The following APBB3 variants were observed in gnomAD, a reference collection of about 807,000 sequenced individuals.
APBB3 encodes the protein amyloid-beta A4 precursor protein-binding family B member 3.
APBB3 carries 50 observed loss-of-function variants against 61.5 expected under a neutral mutation model. That is an observed-to-expected ratio of 0.81 (90% CI 0.65 to 1.03). The LOEUF (loss-of-function observed/expected upper bound fraction) is 1.03. Ranked by LOEUF, APBB3 falls within the 50% of genes least tolerant of loss-of-function variation. The probability of loss-of-function intolerance (pLI) is 0.00; values close to 1 mark genes in which losing one functional copy is unlikely to be tolerated. For missense variants in APBB3, 550 were observed against 637.4 expected (o/e 0.86, Z 1.48); for synonymous variants, 235 against 233.0 (o/e 1.01, Z -0.08).
rs772821532 is a variant in APBB3, at chr5:140,561,302, G to A, written c.832+63C>T. ...CAGAAGTATTAAATAACCAGAAATC[G>A]CCCCCCCACAAAGCAGCACCAAAGC... On this transcript the variant is annotated intron_variant, in intron 9 of 12. Transcript: ENST00000357560. The A allele has an allele frequency of 4.0e-5, 63 of 1,568,966 alleles. 1 individual carries two copies. The highest frequency in any genetic ancestry group is 2.3e-4 in the South Asian group (21 of 90,110).
chr5:140,562,639 A>T, intron 4 of APBB3, 24 bp downstream of exon 4: 1 of 1,613,946 alleles, frequency 6.2e-7, no homozygotes, highest in Admixed American at 1.7e-5. Flanking sequence ...GGACCTCCCA[A>T]TGCCCTCAGG....
chr5:140,562,238 C>T lies in APBB3; in HGVS notation c.499-11G>A, dbSNP rs769543936. On this transcript the variant is annotated splice_polypyrimidine_tract_variant and intron_variant, in intron 5 of 12. Transcript: ENST00000357560. ...CAGCATGTTCTGGCCCTGCCAAGGA[C>T]AGAGGTCAGCCCAGAGCTCAGATAA... 2.3e-5 allele frequency: 37 copies of T among 1,613,850 alleles called. No homozygotes were observed. Among genetic ancestry groups the T allele is most frequent in the Admixed American group, 3.3e-5 (2 of 60,002 alleles).
chr5:140,564,083 CT>C lies in APBB3; in HGVS notation c.49+113del. The C allele has an allele frequency of 3.3e-6, 5 of 1,510,456 alleles. No homozygotes were observed. The highest frequency in any genetic ancestry group is 4.5e-6 in the Non-Finnish European group (5 of 1,104,652). The allele number at this position is 1,510,456 out of a possible 1,614,324, so 93.6% of individuals were successfully genotyped here. ...TGTAAAGACCGGGTTCATTCGCCCCCTGGTCCCTACACAGAGAGGTATCCCC... is the reference window on the plus strand; with the variant it reads ...TGTAAAGACCGGGTTCATTCGCCCCCGGTCCCTACACAGAGAGGTATCCCC... On this transcript the variant is annotated intron_variant, in intron 1 of 12. Coordinates refer to ENST00000357560, the MANE Select transcript of APBB3 (RefSeq NM_133173.3). This position sits in a 1 kb window ranked among gnomAD's most constrained non-coding sequence, Gnocchi z 5.0.
At position 140,562,418 on chromosome 5, in the gene APBB3, T is replaced by C. The variant is rs2127132332; in HGVS notation, c.433A>G (p.Asn145Asp). 6.2e-7 allele frequency: 1 copy of C among 1,614,180 alleles called. No homozygotes were observed. Among genetic ancestry groups the C allele is most frequent in the East Asian group, 2.2e-5 (1 of 44,878 alleles). Residue 145 changes from asparagine (N) to aspartate (D), a missense_variant, in exon 5 of 13, where the codon AAC (asparagine) becomes GAC (aspartate). By Grantham distance (23) the Asn-to-Asp change is conservative. Transcript: ENST00000357560. ...APGKSSIAVN[N>D]CIQQLAQTRS... ...GTCTGGGCCAGCTGCTGGATACAGT[T>C]ATTGACTGCAATACTGCTCTTCCCC... is the stretch of plus-strand genomic sequence containing the variant.
chr5:140,561,395 G>C lies in APBB3; in HGVS notation c.802C>G (p.Pro268Ala). ...SGDASCCSPD[P>A]ISPEDLPRQV... ...CGTGGCAGGTCTTCAGGAGAGATGG[G>C]GTCTGGGGAGCAGCAAGAGGCATCA... The change falls in exon 9 of 13, where the codon CCC becomes GCC. Residue 268 changes from proline (P) to alanine (A), a missense_variant. Pro to Ala is a conservative substitution (Grantham distance 27). Around this residue, in one of 3 missense-constraint regions of APBB3, gnomAD observed 405 missense variants for 483.4 expected, o/e 0.84. Coordinates refer to ENST00000357560, the MANE Select transcript of APBB3 (RefSeq NM_133173.3). 1 of 1,614,176 alleles carries C rather than the reference G, an allele frequency of 6.2e-7. No homozygotes were observed.
chr5:140,560,282 T>TGCCCCCCCC lies in APBB3; in HGVS notation c.1224+30_1224+31insGGGGGGGGC. ...ACAGTGGAGAGCAGCTGCAGGGCAA[T>TGCCCCCCCC]CCCACCAACCCATTCCCACCCATGA... is the stretch of plus-strand genomic sequence containing the variant. On this transcript the variant is annotated intron_variant, in intron 12 of 12. Coordinates refer to ENST00000357560, the MANE Select transcript of APBB3 (RefSeq NM_133173.3). The surrounding 1 kb of genome is among the most constrained non-coding windows in gnomAD (Gnocchi z 5.1). 2 of 1,596,718 alleles carry TGCCCCCCCC rather than the reference T, an allele frequency of 1.3e-6. No homozygotes were observed. Among genetic ancestry groups the TGCCCCCCCC allele is most frequent in the African/African-American group, 2.7e-5 (2 of 73,690 alleles).
At chr5:140,562,989 G>A (rs1755032314) in intron 3 of APBB3, 2 of 465,202 alleles carry the variant, frequency 4.3e-6, no homozygotes, top group East Asian at 4.0e-5. Flanking sequence ...GCTCACGCCT[G>A]TAATCCCAAC....
chr5:140,563,541 T>C, intron 3 of APBB3, 53 bp downstream of exon 3: 1 of 1,607,310 alleles, frequency 6.2e-7, no homozygotes, highest in South Asian at 1.1e-5. Flanking sequence ...CCAGCTGCAT[T>C]TTTGAACACC....
At position 140,558,836 on chromosome 5, in the gene APBB3, A is replaced by C. The variant is rs1414337361; in HGVS notation, c.1225-15T>G. ...TGGTACTGAACCTAGGGAGAAGGGG[A>C]ATGTGAGGATCCAGCTACTTTCTGC... On this transcript the variant is annotated splice_polypyrimidine_tract_variant and intron_variant, in intron 12 of 12. Transcript: ENST00000357560. 1.2e-6 allele frequency: 2 copies of C among 1,608,482 alleles called. No homozygotes were observed. The highest frequency in any genetic ancestry group is 2.7e-5 in the African/African-American group (2 of 74,788).
Position 140,560,933 on chromosome 5 carries a change from T to G in APBB3, c.916+85A>C. The G allele has an allele frequency of 6.7e-7, 1 of 1,502,976 alleles. No individual in the cohort carries two copies. Among genetic ancestry groups the G allele is most frequent in the Non-Finnish European group, 9.1e-7 (1 of 1,096,680 alleles). The allele number at this position is 1,502,976 out of a possible 1,614,324, so 93.1% of individuals were successfully genotyped here. A position where few individuals can be genotyped will look rare whatever the true frequency, so the allele number is the denominator to read the frequency against. ...GGCCATAACAAGGCCACGGGAGGAC[T>G]CTTGAGAAATGATAACAGGCCTCAC... On this transcript the variant is annotated intron_variant, in intron 10 of 12. Coordinates refer to ENST00000357560, the MANE Select transcript of APBB3 (RefSeq NM_133173.3). This position sits in a 1 kb window ranked among gnomAD's most constrained non-coding sequence, Gnocchi z 5.1.
At chr5:140,561,334 A>G (rs1368430706) in intron 9 of APBB3, 31 bp downstream of exon 9, 4 of 1,610,676 alleles carry the variant, frequency 2.5e-6, no homozygotes, top group Admixed American at 1.7e-5. Flanking sequence ...AAGCACCCCA[A>G]TGCAGCAATG....
chr5:140,561,295 A>G lies in APBB3; in HGVS notation c.832+70T>C, dbSNP rs1432613513. ...TTATCCACAGAAGTATTAAATAACC[A>G]GAAATCGCCCCCCCACAAAGCAGCA... is the stretch of plus-strand genomic sequence containing the variant. On this transcript the variant is annotated intron_variant, in intron 9 of 12. Transcript: ENST00000357560. The G allele has an allele frequency of 5.7e-6, 9 of 1,567,244 alleles. No homozygotes were observed. The East Asian group carries it at 6.7e-5, about 12-fold the overall frequency.
intron 8 of APBB3, 23 bp from the exon 9 acceptor site, chr5:140,561,472 T>A (rs773280728): frequency 3.1e-6 from 5 of 1,613,946 alleles, no homozygotes; most frequent in Non-Finnish European, 4.2e-6. Flanking sequence ...GAAGCCAGCA[T>A]GACCCACAGG....
chr5:140,560,907 A>G lies in APBB3; in HGVS notation c.916+111T>C, dbSNP rs1448742257. ...TGATTTGGGAAGGCTGGTAGACCCC[A>G]GGCCATAACAAGGCCACGGGAGGAC... On this transcript the variant is annotated intron_variant, in intron 10 of 12. Transcript: ENST00000357560. This position sits in a 1 kb window ranked among gnomAD's most constrained non-coding sequence, Gnocchi z 5.1. The G allele has an allele frequency of 6.5e-6, 9 of 1,392,188 alleles. No individual in the cohort carries two copies. In the East Asian group the frequency reaches 1.8e-4, roughly 28 times the overall value. The allele number at this position is 1,392,188 out of a possible 1,614,324, so 86.2% of individuals were successfully genotyped here.
rs1489619912 is a variant in APBB3 at position 140,561,457 on chromosome 5, A to G, written c.748-8T>C. ...TACTCGCTCTGACAAGATCTAAAACACAATGAAGCCAGCATGACCCACAGG... is the reference window on the plus strand; with the variant it reads ...TACTCGCTCTGACAAGATCTAAAACGCAATGAAGCCAGCATGACCCACAGG... On this transcript the variant is annotated splice_polypyrimidine_tract_variant and splice_region_variant and intron_variant, in intron 8 of 12. Transcript: ENST00000357560. 2.5e-6 allele frequency: 4 copies of G among 1,614,010 alleles called. No homozygotes were observed. In the African/African-American group the frequency reaches 5.3e-5, roughly 22 times the overall value.
chr5:140,562,398 G>A lies in APBB3; in HGVS notation c.453C>T (p.Ala151=), dbSNP rs980276299. The A allele has an allele frequency of 6.2e-7, 1 of 1,614,150 alleles. No individual in the cohort carries two copies. Among genetic ancestry groups the A allele is most frequent in the Non-Finnish European group, 8.5e-7 (1 of 1,180,034 alleles). The change falls in exon 5 of 13, where the codon GCC becomes GCT. Residue 151 remains alanine, a synonymous_variant. Coordinates refer to ENST00000357560, the MANE Select transcript of APBB3 (RefSeq NM_133173.3). ...IAVNNCIQQL[A]QTRSRSQPPD... is the part of the protein sequence containing the mutation. Reference sequence around the variant, plus strand: ...GAGGCTGGCTCCGGCTGCGGGTCTGGGCCAGCTGCTGGATACAGTTATTGA... The same window carrying A: ...GAGGCTGGCTCCGGCTGCGGGTCTGAGCCAGCTGCTGGATACAGTTATTGA...
chr5:140,561,263 C>T (rs1754941854), intron 9 of APBB3, 102 bp downstream of exon 9: 2 of 1,509,426 alleles, frequency 1.3e-6, no homozygotes, highest in African/African-American at 2.8e-5. Context: ...CCAGACATCT[C>T]AGAAATTTAT....
At chr5:140,561,215 T>C (rs973767191) in intron 9 of APBB3, 114 bp from the exon 10 acceptor site, 16 of 1,445,478 alleles carry the variant, frequency 1.1e-5, no homozygotes, top group Admixed American at 8.5e-5. Flanking sequence ...AAATGGCTCA[T>C]AGATGCTCCT....
At position 140,560,792 on chromosome 5, in the gene APBB3, G is replaced by T. The variant is rs772785262; in HGVS notation, c.917-38C>A. ...ACCCAGCGTGTCTCCCAGTGTAAAAGAAAGAGTCTGCAGGGAGTGTCTAGC... is the reference window on the plus strand; with the variant it reads ...ACCCAGCGTGTCTCCCAGTGTAAAATAAAGAGTCTGCAGGGAGTGTCTAGC... On this transcript the variant is annotated intron_variant, in intron 10 of 12. Coordinates refer to ENST00000357560, the MANE Select transcript of APBB3 (RefSeq NM_133173.3). The surrounding 1 kb of genome is among the most constrained non-coding windows in gnomAD (Gnocchi z 5.1). The T allele has an allele frequency of 1.5e-5, 24 of 1,585,252 alleles. No individual in the cohort carries two copies. The Middle Eastern group carries it at 1.0e-3, about 66-fold the overall frequency.
Sources: allele counts gnomAD v4.1 joint callset, GRCh38; gene constraint gnomAD v4.1.1; regional missense constraint gnomAD v4.1.1; non-coding constraint Gnocchi (gnomAD v3.1); transcripts MANE v1.5; gene names NCBI Gene and HGNC (gene_info 2026-07-23, HGNC 2026-07-21).